The following PPP3CA variants were observed in gnomAD, a reference collection of about 807,000 sequenced individuals.
The protein encoded by PPP3CA is protein phosphatase 3 catalytic subunit alpha, also known as CAM-PRP catalytic subunit.
Under a neutral mutation model 66.5 loss-of-function variants are expected in PPP3CA, and 14 were observed. The observed-to-expected ratio is 0.21, with a 90% CI of 0.14 to 0.33. The LOEUF (loss-of-function observed/expected upper bound fraction) is 0.33, where lower values mean the gene tolerates loss of function less well. Ranked by LOEUF, PPP3CA falls within the 10% of genes least tolerant of loss-of-function variation. PPP3CA has a pLI of 1.00. For missense variants in PPP3CA, 317 were observed against 639.5 expected (o/e 0.50, Z 5.44); for synonymous variants, 232 against 226.2 (o/e 1.03, Z -0.23).
At chr4:101,190,505 T>C (rs1476050248) in intron 2 of PPP3CA, among the ~76,000 whole-genome samples, 10 of 152,320 alleles carry the variant, frequency 6.6e-5, no homozygotes, top group Admixed American at 5.9e-4. Context: ...GCTACATGTT[T>C]ATTGATGTTA....
intron 1 of PPP3CA, among the ~76,000 whole-genome samples, chr4:101,207,789 G>A (rs1725179772): frequency 6.6e-6 from 1 of 151,494 alleles, no homozygotes; most frequent in African/African-American, 2.4e-5. Context: ...TCACACCACT[G>A]CAATCCAGGC....
intron 10 of PPP3CA, among the ~76,000 whole-genome samples, chr4:101,042,448 C>T (rs1480956836): frequency 2.0e-5 from 3 of 152,136 alleles, no homozygotes; most frequent in Non-Finnish European, 2.9e-5. Context: ...ATGGGAAGGA[C>T]TTATTATTGC....
chr4:101,138,761 T>C (rs1037182513), intron 2 of PPP3CA, among the ~76,000 whole-genome samples: 3 of 152,208 alleles, frequency 2.0e-5, no homozygotes, highest in Non-Finnish European at 4.4e-5. Context: ...CTATTCATTG[T>C]ATACTGATAT....
intron 1 of PPP3CA, 77 bp downstream of exon 1, chr4:101,346,662 G>GTC: frequency 8.3e-7 from 1 of 1,205,938 alleles, no homozygotes; most frequent in Non-Finnish European, 1.1e-6. Context: ...GGGGAGGGGA[G>GTC]GAAAGGCGAG....
chr4:101,099,586 A>C, intron 4 of PPP3CA, 25 bp downstream of exon 4: 1 of 1,385,968 alleles, frequency 7.2e-7, no homozygotes, highest in Non-Finnish European at 1.0e-6. Flanking sequence ...ATAGTGTTAA[A>C]GGAAGGAGGT....
Position 101,220,497 on chromosome 4 carries a change from AG to A in PPP3CA, c.59-24382del, listed in dbSNP as rs142328646. ...TTTAACAGAATCACTGATGCATCTC[AG>A]CTAGAGATAAATGGATTTTAATAAA... On this transcript the variant is annotated intron_variant, in intron 1 of 13. Coordinates refer to ENST00000394854, the MANE Select transcript of PPP3CA (RefSeq NM_000944.5). 8.9e-3 allele frequency among the ~76,000 whole-genome samples: 1,358 copies of A among 151,848 alleles called. 20 individuals are homozygous for A. The highest frequency in any genetic ancestry group is 0.031 in the African/African-American group (1,298 of 41,518).
intron 11 of PPP3CA, among the ~76,000 whole-genome samples, chr4:101,035,561 T>A (rs1727206015): frequency 6.6e-6 from 1 of 152,218 alleles, no homozygotes; most frequent in Non-Finnish European, 1.5e-5. Flanking sequence ...TCAGTTTCCT[T>A]ATCTATAAAA....
chr4:101,080,628 TA>T lies in PPP3CA; in HGVS notation c.861-3del. 4.0e-6 allele frequency: 6 copies of T among 1,487,398 alleles called. No homozygotes were observed. Among genetic ancestry groups the T allele is most frequent in the Admixed American group, 1.9e-5 (1 of 53,768 alleles). 92.1% of individuals were successfully genotyped at this position (1,487,398 alleles called of 1,614,324 possible). On this transcript the variant is annotated splice_polypyrimidine_tract_variant and splice_region_variant and intron_variant, in intron 7 of 13. Coordinates refer to ENST00000394854, the MANE Select transcript of PPP3CA (RefSeq NM_000944.5). ...TGGCTTTTCCTGTACATGCGGTACC[TA>T]AAAAGAACAAATACAGTCAAAACAA...
chr4:101,072,202 G>T lies in PPP3CA; in HGVS notation c.955+8330C>A, dbSNP rs1261051539. Among the ~76,000 whole-genome samples, 4 of 152,272 alleles carry T rather than the reference G, an allele frequency of 2.6e-5. No individual in the cohort carries two copies. In the East Asian group the frequency reaches 7.7e-4, roughly 29 times the overall value. ...ATTCTTTTAATAATGCATGTATTTG[G>T]ATGCATAACACTCAGGTAATTTTAA... On this transcript the variant is annotated intron_variant, in intron 8 of 13. Coordinates refer to ENST00000394854, the MANE Select transcript of PPP3CA (RefSeq NM_000944.5).
chr4:101,186,523 T>C (rs1724413761), intron 2 of PPP3CA, among the ~76,000 whole-genome samples: 1 of 152,186 alleles, frequency 6.6e-6, no homozygotes, highest in African/African-American at 2.4e-5. Flanking sequence ...CTTGCATATA[T>C]TTGGCTATTT....
At chr4:101,271,016 C>T (rs2110266033) in intron 1 of PPP3CA, among the ~76,000 whole-genome samples, 1 of 152,126 alleles carries the variant, frequency 6.6e-6, no homozygotes, top group Non-Finnish European at 1.5e-5. Flanking sequence ...AACTCCTGGG[C>T]TCAAGCAATC....
At chr4:101,080,932 A>C (rs1341157379) in intron 7 of PPP3CA, among the ~76,000 whole-genome samples, 3 of 152,162 alleles carry the variant, frequency 2.0e-5, no homozygotes, top group African/African-American at 7.2e-5. Flanking sequence ...TGTGTTCAAC[A>C]GAAGGCTGAT....
intron 3 of PPP3CA, among the ~76,000 whole-genome samples, chr4:101,100,096 G>A (rs958906760): frequency 4.6e-5 from 7 of 151,956 alleles, no homozygotes; most frequent in African/African-American, 1.7e-4. Context: ...TTAAAAAGAT[G>A]AGAAGAAATA....
At chr4:101,061,273 T>C (rs1392890487) in intron 9 of PPP3CA, 112 bp from the exon 10 acceptor site, 1 of 883,750 alleles carries the variant, frequency 1.1e-6, no homozygotes, top group Non-Finnish European at 1.8e-6. Context: ...ATTTAGTTTG[T>C]ATATAGAAGC....
intron 1 of PPP3CA, among the ~76,000 whole-genome samples, chr4:101,325,070 A>G (rs1364809613): frequency 6.6e-6 from 1 of 152,124 alleles, no homozygotes; most frequent in Non-Finnish European, 1.5e-5. Flanking sequence ...AATTTTTTTT[A>G]AAGGGGGAGG....
intron 10 of PPP3CA, among the ~76,000 whole-genome samples, chr4:101,041,282 AAATT>A (rs1055664185): frequency 6.6e-6 from 1 of 152,102 alleles, no homozygotes; most frequent in Non-Finnish European, 1.5e-5. Flanking sequence ...TAAATTAAAA[AAATT>A]AATTACATAG....
At chr4:101,330,252 A>T in intron 1 of PPP3CA, 1 of 425,472 alleles carries the variant, frequency 2.4e-6, no homozygotes, top group South Asian at 1.8e-5. Flanking sequence ...CTAGAATTAA[A>T]AGTGAATCCT....
chr4:101,335,528 C>T (rs1160306507), intron 1 of PPP3CA, among the ~76,000 whole-genome samples: 2 of 147,044 alleles, frequency 1.4e-5, no homozygotes, highest in African/African-American at 2.7e-5. Context: ...TGTTAAAACG[C>T]GTCTGCTATC....
At chr4:101,130,523 T>G (rs1291568407) in intron 2 of PPP3CA, among the ~76,000 whole-genome samples, 1 of 152,088 alleles carries the variant, frequency 6.6e-6, no homozygotes, top group African/African-American at 2.4e-5. Flanking sequence ...TACCCACAAA[T>G]GGAAGCCCAT....
Sources: allele counts gnomAD v4.1 joint callset (sites outside exome capture counted in the v4.1 genomes callset), GRCh38; gene constraint gnomAD v4.1.1; transcripts MANE v1.5; gene names NCBI Gene and HGNC (gene_info 2026-07-23, HGNC 2026-07-21).